Variants in FRMD4A observed in about 807,000 individuals in gnomAD.
FRMD4A encodes the protein FERM domain-containing protein 4A.
FRMD4A carries 29 observed loss-of-function variants against 129.1 expected under a neutral mutation model. The ratio of observed to expected loss-of-function variants is 0.22; its 90% CI spans 0.17 to 0.31. The LOEUF (loss-of-function observed/expected upper bound fraction) is 0.31, where lower values mean the gene tolerates loss of function less well. Ranked by LOEUF, FRMD4A falls within the 10% of genes least tolerant of loss-of-function variation. The pLI, the probability that FRMD4A is intolerant of heterozygous loss-of-function variation, is 1.00. For missense variants in FRMD4A, 1,272 were observed against 1,375.8 expected (o/e 0.92, Z 1.19); for synonymous variants, 634 against 571.6 (o/e 1.11, Z -1.56).
intron 13 of FRMD4A, among the ~76,000 whole-genome samples, chr10:13,702,336 T>C (rs1159059937): frequency 1.3e-5 from 2 of 152,160 alleles, no homozygotes; most frequent in African/African-American, 4.8e-5. Context: ...AGTGCTCGGA[T>C]TACAGGCATG....
At chr10:13,732,651 A>G (rs1193688167) in intron 12 of FRMD4A, among the ~76,000 whole-genome samples, 1 of 152,252 alleles carries the variant, frequency 6.6e-6, no homozygotes, top group Non-Finnish European at 1.5e-5. Flanking sequence ...CTCCAGGTGC[A>G]CAGTGCTGGG....
At chr10:14,281,810 C>G (rs566200564) in intron 2 of FRMD4A, among the ~76,000 whole-genome samples, 2 of 152,320 alleles carry the variant, frequency 1.3e-5, no homozygotes, top group East Asian at 3.9e-4. Context: ...TTCCCACTTG[C>G]TTCCAATGTA....
chr10:14,319,434 T>C (rs189600779), intron 2 of FRMD4A, among the ~76,000 whole-genome samples: 37 of 149,838 alleles, frequency 2.5e-4, no homozygotes, highest in Admixed American at 6.7e-5. Flanking sequence ...ATAGTTTGCA[T>C]GCATATGTTC....
chr10:14,169,801 G>A (rs1028330686), intron 2 of FRMD4A, among the ~76,000 whole-genome samples: 1 of 152,166 alleles, frequency 6.6e-6, no homozygotes, highest in Non-Finnish European at 1.5e-5. Flanking sequence ...TCTCCATTAA[G>A]ATAAAGTATA....
intron 4 of FRMD4A, among the ~76,000 whole-genome samples, chr10:13,801,526 A>G (rs539717092): frequency 1.3e-5 from 2 of 152,344 alleles, no homozygotes; most frequent in East Asian, 3.9e-4. Context: ...AGCTGCCTCC[A>G]CTTTAAAGGC....
Position 13,659,407 on chromosome 10 carries a change from C to T in FRMD4A, c.1982G>A (p.Gly661Asp). 6.2e-7 allele frequency: 1 copy of T among 1,614,056 alleles called. No homozygotes were observed. Residue 661 changes from glycine to aspartate, a missense_variant, in exon 21 of 25, where the codon GGC becomes GAC. By Grantham distance (94) the Gly-to-Asp change is moderately conservative. Around this residue, in one of 2 missense-constraint regions of FRMD4A, gnomAD observed 972 missense variants for 892.3 expected, o/e 1.09. Transcript: ENST00000357447. Reference sequence around the variant, plus strand: ...GGACTGGGAGTTCCAGTGCGGGAGGCCGCGGATGGGGCTGTTCTGCAAGGA... The same window carrying T: ...GGACTGGGAGTTCCAGTGCGGGAGGTCGCGGATGGGGCTGTTCTGCAAGGA... The part of the protein sequence containing the change: ...SNSLQNSPIR[G>D]LPHWNSQSSM...
intron 3 of FRMD4A, among the ~76,000 whole-genome samples, chr10:13,818,344 T>G (rs2130897576): frequency 6.6e-6 from 1 of 152,088 alleles, no homozygotes; most frequent in African/African-American, 2.4e-5. Flanking sequence ...AAAAAAAATT[T>G]TTTTTTGTAA....
At chr10:14,136,141 G>A (rs758432301) in intron 2 of FRMD4A, among the ~76,000 whole-genome samples, 43 of 152,234 alleles carry the variant, frequency 2.8e-4, no homozygotes, top group Non-Finnish European at 5.1e-4. Context: ...ATGAGACAGT[G>A]AGAGAAACTC....
chr10:14,013,983 A>C (rs1289199710), intron 2 of FRMD4A, among the ~76,000 whole-genome samples: 1 of 152,236 alleles, frequency 6.6e-6, no homozygotes, highest in African/African-American at 2.4e-5. Flanking sequence ...AGCCCATGAC[A>C]GCTCAGGCAT....
intron 2 of FRMD4A, among the ~76,000 whole-genome samples, chr10:14,021,974 C>T (rs1435419101): frequency 4.0e-5 from 6 of 151,878 alleles, no homozygotes; most frequent in African/African-American, 1.5e-4. Flanking sequence ...TTTATTGCTC[C>T]CAGCAAAAGT....
intron 2 of FRMD4A, among the ~76,000 whole-genome samples, chr10:14,136,617 C>T (rs1294878720): frequency 6.6e-6 from 1 of 152,138 alleles, no homozygotes; most frequent in Admixed American, 6.5e-5. Context: ...CAAAAGAATG[C>T]CATCATTTGT....
At chr10:13,811,073 G>A (rs2093436010) in intron 3 of FRMD4A, among the ~76,000 whole-genome samples, 165 bp from the exon 4 acceptor site, 1 of 151,708 alleles carries the variant, frequency 6.6e-6, no homozygotes, top group Non-Finnish European at 1.5e-5. Flanking sequence ...TGACACTGAT[G>A]AGCACACAGC....
intron 2 of FRMD4A, among the ~76,000 whole-genome samples, chr10:13,999,539 C>T (rs2095634335): frequency 6.6e-6 from 1 of 152,094 alleles, no homozygotes; most frequent in South Asian, 2.1e-4. Flanking sequence ...GAAATTGTGT[C>T]TGAATGATCC....
chr10:14,080,164 AGCCACAAAGAT>A (rs1835843319), intron 2 of FRMD4A, among the ~76,000 whole-genome samples: 1 of 152,168 alleles, frequency 6.6e-6, no homozygotes, highest in African/African-American at 2.4e-5. Context: ...CAGCACATGA[AGCCACAAAGAT>A]GCCCCAGCTA....
At chr10:13,897,828 C>T (rs2094775078) in intron 2 of FRMD4A, among the ~76,000 whole-genome samples, 1 of 150,656 alleles carries the variant, frequency 6.6e-6, no homozygotes, top group East Asian at 2.0e-4. Flanking sequence ...ATCCCAGCTA[C>T]TCAGAAGGCT....
chr10:13,783,044 C>T (rs773380210), intron 5 of FRMD4A, 38 bp from the exon 6 acceptor site: 2 of 815,642 alleles, frequency 2.5e-6, no homozygotes, highest in South Asian at 2.7e-5. Flanking sequence ...ACAGAAACAG[C>T]AGGTGCAGAA....
chr10:13,850,888 G>A (rs1391321698), intron 3 of FRMD4A, among the ~76,000 whole-genome samples: 1 of 152,206 alleles, frequency 6.6e-6, no homozygotes, highest in African/African-American at 2.4e-5. Context: ...GTTACTGTGA[G>A]GATTAAATAA....
intron 2 of FRMD4A, among the ~76,000 whole-genome samples, chr10:13,974,527 T>C (rs1453633326): frequency 6.6e-6 from 1 of 151,524 alleles, no homozygotes; most frequent in Non-Finnish European, 1.5e-5. Flanking sequence ...CCTTGACTGA[T>C]TGATTGATTG....
Position 13,738,583 on chromosome 10 carries a change from A to T in FRMD4A, c.673-653T>A, listed in dbSNP as rs755331371. On this transcript the variant is annotated intron_variant, in intron 11 of 24. Coordinates refer to ENST00000357447, the MANE Select transcript of FRMD4A (RefSeq NM_018027.5). ...GGACAGGGTAGCACAGTGGAAGCTG[A>T]AACAGTCTCAGGACTGAATTAGAAA... Among the ~76,000 whole-genome samples the T allele has an allele frequency of 5.1e-4, 77 of 152,104 alleles. 2 individuals are homozygous for T. Among genetic ancestry groups the T allele is most frequent in the Non-Finnish European group, 1.5e-4 (10 of 68,018 alleles).
Sources: allele counts gnomAD v4.1 joint callset (sites outside exome capture counted in the v4.1 genomes callset), GRCh38; gene constraint gnomAD v4.1.1; regional missense constraint gnomAD v4.1.1; transcripts MANE v1.5; gene names NCBI Gene and HGNC (gene_info 2026-07-23, HGNC 2026-07-21).